The following DPAGT1 variants were observed in gnomAD, a reference collection of about 807,000 sequenced individuals.
DPAGT1 encodes dolichyl-phosphate N-acetylglucosaminephosphotransferase 1.
DPAGT1 carries 25 observed loss-of-function variants against 39.3 expected under a neutral mutation model. The observed-to-expected ratio is 0.64, with a 90% confidence interval of 0.46 to 0.89. DPAGT1 has a LOEUF of 0.89. DPAGT1 is among the 40% of genes least tolerant of loss of function. DPAGT1 has a pLI of 0.00. For synonymous variants in DPAGT1, 193 were observed against 201.4 expected (o/e 0.96, Z 0.36); for missense variants, 381 against 500.6 (o/e 0.76, Z 2.28).
chr11:119,101,268 G>C, intron 1 of DPAGT1, 130 bp from the exon 2 acceptor site: 1 of 1,401,674 alleles, frequency 7.1e-7, no homozygotes, highest in Non-Finnish European at 9.8e-7. Flanking sequence ...TGGTGAGGGG[G>C]GCGGAGGGAG....
At chr11:119,100,100 A>C (rs75437642) in intron 4 of DPAGT1, among the ~76,000 whole-genome samples, 162 bp downstream of exon 4, 424 of 152,294 alleles carry the variant, frequency 2.8e-3, no homozygotes, top group African/African-American at 9.9e-3. Context: ...TTTCTTTCTC[A>C]CTTTTAATAA....
downstream of DPAGT1, chr11:119,095,425 G>T (rs546244044): frequency 7.4e-6 from 11 of 1,483,668 alleles, no homozygotes; most frequent in South Asian, 8.2e-5. Context: ...AAGCACGACG[G>T]CTCAAACACT....
At chr11:119,095,570 T>A, downstream of DPAGT1, 1 of 697,472 alleles carries the variant, frequency 1.4e-6, no homozygotes, top group Non-Finnish European at 2.2e-6. Context: ...TGGTTGCGGT[T>A]AACCCTTGGG....
downstream of DPAGT1, chr11:119,094,758 C>A (rs1592223223): frequency 3.7e-6 from 2 of 537,634 alleles, no homozygotes; most frequent in Non-Finnish European, 6.3e-6. Context: ...ACGCGGCAGG[C>A]GGTGCGGGAC....
At chr11:119,094,838 G>C, downstream of DPAGT1, 9 of 1,054,828 alleles carry the variant, frequency 8.5e-6, no homozygotes, top group Non-Finnish European at 1.2e-5. Flanking sequence ...GGGGAAGGGA[G>C]CCGCGGCCCG....
At chr11:119,101,166 G>A (rs753167724) in intron 1 of DPAGT1, 28 bp from the exon 2 acceptor site, 29 of 1,613,396 alleles carry the variant, frequency 1.8e-5, no homozygotes, top group Non-Finnish European at 2.0e-5. Flanking sequence ...GGGGGCGAGG[G>A]GGAAGAGGAA....
At position 119,097,718 on chromosome 11, in the gene DPAGT1, G is replaced by C. The variant is rs888805117; in HGVS notation, c.917+137C>G. 6.2e-6 allele frequency: 9 copies of C among 1,450,498 alleles called. No individual in the cohort carries two copies. Among genetic ancestry groups the C allele is most frequent in the Non-Finnish European group, 8.7e-6 (9 of 1,036,554 alleles). 89.9% of individuals were successfully genotyped at this position (1,450,498 alleles called of 1,614,324 possible). On this transcript the variant is annotated intron_variant, in intron 6 of 8. Coordinates refer to ENST00000354202, the MANE Select transcript of DPAGT1 (RefSeq NM_001382.4). This position sits in a 1 kb window ranked among gnomAD's most constrained non-coding sequence, Gnocchi z 4.6. ...CAGATTATGCAAATAAATGTGCTTT[G>C]TAAGTTATAAAGGGCTACTCACATG...
rs1371529040 is a variant in DPAGT1, at chr11:119,098,417, C to T, written c.714G>A (p.Leu238=). The T allele has an allele frequency of 5.0e-6, 8 of 1,613,744 alleles. No homozygotes were observed. Among genetic ancestry groups the T allele is most frequent in the South Asian group, 3.3e-5 (3 of 91,060 alleles). The change falls in exon 5 of 9, where the codon TTG becomes TTA. Residue 238 remains leucine, a synonymous_variant. Transcript: ENST00000354202. ...MIPFFFTTLG[L]LYHNWYPSRV... ...GGCCTACTTACCAGTTGTGGTAGAGCAATCCCAAAGTGGTGAAAAAAAAGG... is the reference window on the plus strand; with the variant it reads ...GGCCTACTTACCAGTTGTGGTAGAGTAATCCCAAAGTGGTGAAAAAAAAGG...
chr11:119,093,989 T>A (rs1946350070), downstream of DPAGT1: 1 of 153,912 alleles, frequency 6.5e-6, no homozygotes, highest in Admixed American at 6.5e-5. Flanking sequence ...CAACGGAGGC[T>A]CAGTCCAGAC....
rs980077282 is a variant in DPAGT1, at chr11:119,097,204, G to C, written c.1099C>G (p.Leu367Val). ...ECNNMTLINLLLKVLGPIHER... is the reference protein window; with the variant it reads ...ECNNMTLINLVLKVLGPIHER... The stretch of plus-strand genomic sequence containing the variant: ...TGTATGGGCCCAAGGACTTTAAGTA[G>C]CAAGTTGATGAGGGTCATGTTGTTA... Residue 367 changes from leucine (L) to valine (V), a missense_variant, in exon 8 of 9, where the codon CTA (leucine) becomes GTA (valine). Transcript: ENST00000354202. This position sits in a 1 kb window ranked among gnomAD's most constrained non-coding sequence, Gnocchi z 4.6. The C allele has an allele frequency of 6.2e-7, 1 of 1,614,210 alleles. No individual in the cohort carries two copies. Among genetic ancestry groups the C allele is most frequent in the Non-Finnish European group, 8.5e-7 (1 of 1,180,038 alleles).
chr11:119,095,139 G>A, downstream of DPAGT1: 6 of 1,614,056 alleles, frequency 3.7e-6, no homozygotes, highest in Non-Finnish European at 5.1e-6. Flanking sequence ...CGGATGGCCA[G>A]CTGCAGGTGG....
chr11:119,094,868 C>A, downstream of DPAGT1: 1 of 1,282,922 alleles, frequency 7.8e-7, no homozygotes, highest in Non-Finnish European at 1.0e-6. Flanking sequence ...CAGTCTGAAG[C>A]GGCTCAGCTC....
Position 119,097,892 on chromosome 11 carries a change from G to A in DPAGT1, c.880C>T (p.Leu294=). 2 of 1,614,214 alleles carry A rather than the reference G, an allele frequency of 1.2e-6. No individual in the cohort carries two copies. Among genetic ancestry groups the A allele is most frequent in the Non-Finnish European group, 1.7e-6 (2 of 1,180,048 alleles). The part of the protein sequence containing the change: ...FNFLYSLPQL[L]HIIPCPRHRI... ...TGGCGAGGGCAGGGGATGATATGCA[G>A]GAGCTGAGGCAGTGAGTAGAGGAAG... Residue 294 remains leucine (L), a synonymous_variant, in exon 6 of 9, where the codon CTG becomes TTG. Coordinates refer to ENST00000354202, the MANE Select transcript of DPAGT1 (RefSeq NM_001382.4). The surrounding 1 kb of genome is among the most constrained non-coding windows in gnomAD (Gnocchi z 4.6).
rs915198475 is a variant in DPAGT1 at position 119,097,729 on chromosome 11, A to G, written c.917+126T>C. On this transcript the variant is annotated intron_variant, in intron 6 of 8. Coordinates refer to ENST00000354202, the MANE Select transcript of DPAGT1 (RefSeq NM_001382.4). The surrounding 1 kb of genome is among the most constrained non-coding windows in gnomAD (Gnocchi z 4.6). ...AATAAATGTGCTTTGTAAGTTATAA[A>G]GGGCTACTCACATGGAAATAGCCCT... The G allele has an allele frequency of 1.5e-5, 22 of 1,464,150 alleles. No individual in the cohort carries two copies. The highest frequency in any genetic ancestry group is 2.0e-5 in the Non-Finnish European group (21 of 1,047,968). 90.7% of individuals were successfully genotyped at this position (1,464,150 alleles called of 1,614,324 possible). A position where few individuals can be genotyped will look rare whatever the true frequency, so the allele number is the denominator to read the frequency against.
chr11:119,094,685 CG>C, downstream of DPAGT1: 1 of 307,024 alleles, frequency 3.3e-6, no homozygotes, highest in Non-Finnish European at 5.9e-6. Flanking sequence ...GCGCCCAAGC[CG>C]CATCCGGAAG....
intron 4 of DPAGT1, 103 bp from the exon 5 acceptor site, chr11:119,098,590 C>T: frequency 8.7e-7 from 1 of 1,145,068 alleles, no homozygotes; most frequent in East Asian, 2.4e-5. Flanking sequence ...TATCATCCAC[C>T]TCACCCAAGT....
chr11:119,099,756 G>A (rs912296647), intron 4 of DPAGT1, among the ~76,000 whole-genome samples: 4 of 135,910 alleles, frequency 2.9e-5, no homozygotes, highest in Non-Finnish European at 6.1e-5. Context: ...TCTCCAGCCT[G>A]CATGACAGAG....
chr11:119,098,277 T>C, intron 5 of DPAGT1, 126 bp downstream of exon 5: 1 of 1,219,644 alleles, frequency 8.2e-7, no homozygotes, highest in Non-Finnish European at 1.2e-6. Flanking sequence ...TACGACCAAC[T>C]GAAGACGCAG....
chr11:119,098,478 C>G lies in DPAGT1; in HGVS notation c.653G>C (p.Arg218Pro), dbSNP rs1420952247. ...GTAGAGGGAAAAGACATGATCATCCCGACAATCACCTTTGGAAGCAAGGAA... is the reference window on the plus strand; with the variant it reads ...GTAGAGGGAAAAGACATGATCATCCGGACAATCACCTTTGGAAGCAAGGAA... ...FNLVELEGDC[R>P]DDHVFSLYFM... is the part of the protein sequence containing the mutation. Residue 218 changes from arginine to proline, a missense_variant, in exon 5 of 9, where the codon CGG becomes CCG. Physicochemically the swap from Arg to Pro is moderately radical, Grantham distance 103 (BLOSUM62 -2). Coordinates refer to ENST00000354202, the MANE Select transcript of DPAGT1 (RefSeq NM_001382.4). 1.9e-6 allele frequency: 3 copies of G among 1,614,096 alleles called. No homozygotes were observed. Among genetic ancestry groups the G allele is most frequent in the African/African-American group, 1.3e-5 (1 of 75,008 alleles).
Sources: gnomAD v4.1 joint callset for allele counts (sites outside exome capture counted in the v4.1 genomes callset) on GRCh38, gnomAD v4.1.1 for gene constraint, Gnocchi (gnomAD v3.1) non-coding constraint, MANE v1.5 for transcripts, NCBI Gene and HGNC (gene_info 2026-07-23, HGNC 2026-07-21) for gene names.